MYO10: variants seen among roughly 807,000 people sequenced by gnomAD.
MYO10 encodes the protein myosin X.
A neutral mutation model predicts 257.3 loss-of-function variants in MYO10; 133 were observed. The ratio of observed to expected loss-of-function variants is 0.52; its 90% CI spans 0.45 to 0.60. MYO10 has a LOEUF of 0.60. Ranked by LOEUF, MYO10 falls within the 20% of genes least tolerant of loss-of-function variation. The probability of loss-of-function intolerance (pLI) is 0.00; values close to 1 mark genes in which losing one functional copy is unlikely to be tolerated. For missense variants in MYO10, 2,399 were observed against 2,635.7 expected, an observed-to-expected ratio of 0.91 and a Z score of 1.97; for synonymous variants, 1,104 against 1,028.6, an observed-to-expected ratio of 1.07 and a Z score of -1.40.
In MYO10 at chr5:16,701,472, C is replaced by T. The variant is rs771685798; in HGVS notation, c.2923G>A (p.Ala975Thr). The change falls in exon 25 of 41, where the codon GCA (alanine) becomes ACA (threonine). Residue 975 changes from alanine to threonine, a missense_variant. Around this residue, in one of 3 missense-constraint regions of MYO10, gnomAD observed 1,820 missense variants for 1,939.4 expected, o/e 0.94. Coordinates refer to ENST00000513610, the MANE Select transcript of MYO10 (RefSeq NM_012334.3). This position sits in a 1 kb window ranked among gnomAD's most constrained non-coding sequence, Gnocchi z 8.1. ...SEFSSELAES[A>T]CEEKPNFNFS... ...TTGAAGTTGGGCTTCTCCTCGCATG[C>T]GCTCTCAGCCAGCTCGCTGGAAAAT... is the stretch of plus-strand genomic sequence containing the variant. 15 of 1,613,834 alleles carry T rather than the reference C, an allele frequency of 9.3e-6. No homozygotes were observed. The highest frequency in any genetic ancestry group is 1.6e-4 in the Middle Eastern group (1 of 6,084).
At chr5:16,685,966 TA>T (rs1203844401) in intron 28 of MYO10, 135 bp from the exon 29 acceptor site, 2 of 654,598 alleles carry the variant, frequency 3.1e-6, no homozygotes, top group African/African-American at 3.6e-5. Context: ...TTCTTAGGGG[TA>T]AATGTCAGTT....
chr5:16,758,224 A>C lies in MYO10; in HGVS notation c.1742T>G (p.Phe581Cys), dbSNP rs1740593033. Residue 581 changes from phenylalanine to cysteine, a missense_variant and splice_region_variant, in exon 18 of 41, where the codon TTT (phenylalanine) becomes TGT (cysteine). Around this residue, in one of 3 missense-constraint regions of MYO10, gnomAD observed 1,820 missense variants for 1,939.4 expected, o/e 0.94. Coordinates refer to ENST00000513610, the MANE Select transcript of MYO10 (RefSeq NM_012334.3). ...TTCAAAAAGATCGTAGATAAAGTCA[A>C]ATCTGTGTGAGGCAAGAGCAGGAGG... ...DLLNLLRESRFDFIYDLFEHV... is the reference protein window; with the variant it reads ...DLLNLLRESRCDFIYDLFEHV... 6.2e-7 allele frequency: 1 copy of C among 1,601,198 alleles called. No homozygotes were observed. Among genetic ancestry groups the C allele is most frequent in the Non-Finnish European group, 8.6e-7 (1 of 1,168,286 alleles).
intron 1 of MYO10, among the ~76,000 whole-genome samples, chr5:16,880,394 T>A (rs1461133913): frequency 6.6e-6 from 1 of 150,546 alleles, no homozygotes; most frequent in African/African-American, 2.5e-5. Flanking sequence ...ACTGACCAAC[T>A]CACAGAGTTC....
intron 1 of MYO10, among the ~76,000 whole-genome samples, chr5:16,920,433 C>T (rs749442797): frequency 1.3e-5 from 2 of 152,088 alleles, no homozygotes; most frequent in African/African-American, 2.4e-5. Flanking sequence ...ATGTACTGAT[C>T]GATTCCATTT....
chr5:16,928,005 TA>T (rs1746184607), intron 1 of MYO10, among the ~76,000 whole-genome samples: 1 of 152,106 alleles, frequency 6.6e-6, no homozygotes, highest in African/African-American at 2.4e-5. Context: ...AAGCAAATGA[TA>T]GGTGATATGA....
intron 3 of MYO10, among the ~76,000 whole-genome samples, chr5:16,809,005 GAA>G (rs11291757): frequency 2.7e-5 from 4 of 150,052 alleles, no homozygotes; most frequent in East Asian, 2.0e-4. Context: ...AGACAAGGAA[GAA>G]AAAAAAAAAT....
At chr5:16,814,319 C>T (rs963505535) in intron 3 of MYO10, among the ~76,000 whole-genome samples, 3 of 147,644 alleles carry the variant, frequency 2.0e-5, no homozygotes, top group Middle Eastern at 3.2e-3. Flanking sequence ...TTTTTTTGTA[C>T]TTTTTTTTTT....
Position 16,672,732 on chromosome 5 carries a change from C to T in MYO10, c.5266G>A (p.Glu1756Lys). 6.2e-7 allele frequency: 1 copy of T among 1,614,050 alleles called. No individual in the cohort carries two copies. The highest frequency in any genetic ancestry group is 1.7e-5 in the Admixed American group (1 of 60,022). Residue 1756 changes from glutamate (E) to lysine (K), a missense_variant, in exon 37 of 41, where the codon GAA becomes AAA. Glu to Lys is a moderately conservative substitution (Grantham distance 56, BLOSUM62 1). Transcript: ENST00000513610. The stretch of plus-strand genomic sequence containing the variant: ...ACATCAGCTACGACGGTTCGACTTT[C>T]AATGGCTTTGTCGACGTGGCCGTTG... ...EYNGHVDKAI[E>K]SRTVVADVLA... is the part of the protein sequence containing the mutation.
At chr5:16,935,739 CCT>C in intron 1 of MYO10, 47 bp downstream of exon 1, 1 of 1,611,418 alleles carries the variant, frequency 6.2e-7, no homozygotes, top group Middle Eastern at 1.7e-4. Flanking sequence ...TGGGCAGACG[CCT>C]CTCTCCCTGG....
chr5:16,671,565 G>T, intron 37 of MYO10, 23 bp from the exon 38 acceptor site: 7 of 1,613,748 alleles, frequency 4.3e-6, no homozygotes, highest in Non-Finnish European at 5.9e-6. Flanking sequence ...GTCAAGAGAG[G>T]CTCAGAATAT....
At chr5:16,923,739 A>C (rs1746056624) in intron 1 of MYO10, among the ~76,000 whole-genome samples, 2 of 152,016 alleles carry the variant, frequency 1.3e-5, no homozygotes. Context: ...ACCACGACAT[A>C]GTAACTGTTG....
At chr5:16,877,342 T>G (rs912547475) in intron 2 of MYO10, among the ~76,000 whole-genome samples, 25 of 152,210 alleles carry the variant, frequency 1.6e-4, no homozygotes, top group Non-Finnish European at 5.9e-5. Flanking sequence ...GCAGAAAAGA[T>G]ACCCAGGAGG....
At chr5:16,764,519 G>T in intron 11 of MYO10, 123 bp from the exon 12 acceptor site, 1 of 1,000,620 alleles carries the variant, frequency 1.0e-6, no homozygotes, top group Non-Finnish European at 1.5e-6. Context: ...CCAGTGTGAA[G>T]TCAATCGATC....
chr5:16,724,410 A>G (rs981947075), intron 19 of MYO10, among the ~76,000 whole-genome samples: 4 of 152,220 alleles, frequency 2.6e-5, no homozygotes, highest in African/African-American at 9.6e-5. Context: ...CATTCTGTCC[A>G]ACTGGATTTG....
intron 18 of MYO10, among the ~76,000 whole-genome samples, chr5:16,756,823 G>A (rs1051489936): frequency 1.1e-4 from 17 of 152,070 alleles, no homozygotes; most frequent in African/African-American, 3.6e-4. Flanking sequence ...ACCCAAGGGT[G>A]GGTGCAGTGG....
intron 11 of MYO10, among the ~76,000 whole-genome samples, 153 bp downstream of exon 11, chr5:16,765,927 C>T (rs1174926791): frequency 6.6e-6 from 1 of 152,154 alleles, no homozygotes; most frequent in Admixed American, 6.5e-5. Context: ...CCTTTGGTAT[C>T]TTCTTTATTT....
chr5:16,790,374 T>C (rs153409), intron 4 of MYO10, among the ~76,000 whole-genome samples: 86,884 of 151,856 alleles, frequency 0.57, 24,922 homozygotes, highest in South Asian at 0.67. Flanking sequence ...AGAAGTCATA[T>C]GTACTGCAAA....
Position 16,670,870 on chromosome 5 carries a change from C to T in MYO10, c.5539G>A (p.Ala1847Thr). The change falls in exon 39 of 41, where the codon GCC (alanine) becomes ACC (threonine). Residue 1847 changes from alanine (A) to threonine (T), a missense_variant. Physicochemically the swap from Ala to Thr is moderately conservative, Grantham distance 58 (BLOSUM62 0). Transcript: ENST00000513610. ...YLQGDYTLHA[A>T]IPPLEEVYSL... Reference sequence around the variant, plus strand: ...TAAACCTCTTCGAGAGGTGGGATGGCAGCGTGCAGAGTATAATCCCCCTGC... The same window carrying T: ...TAAACCTCTTCGAGAGGTGGGATGGTAGCGTGCAGAGTATAATCCCCCTGC... 6.2e-7 allele frequency: 1 copy of T among 1,613,996 alleles called. No homozygotes were observed. The highest frequency in any genetic ancestry group is 8.5e-7 in the Non-Finnish European group (1 of 1,179,894).
intron 1 of MYO10, among the ~76,000 whole-genome samples, chr5:16,919,107 T>C (rs1435804421): frequency 6.6e-6 from 1 of 152,112 alleles, no homozygotes; most frequent in Non-Finnish European, 1.5e-5. Context: ...CCAGGAGTGA[T>C]AGCTCACACC....
Sources: gnomAD v4.1 joint callset for allele counts (sites outside exome capture counted in the v4.1 genomes callset) on GRCh38, gnomAD v4.1.1 for gene constraint, gnomAD v4.1.1 regional missense constraint, Gnocchi (gnomAD v3.1) non-coding constraint, MANE v1.5 for transcripts, NCBI Gene and HGNC (gene_info 2026-07-23, HGNC 2026-07-21) for gene names.